LCA5L: variants seen among roughly 807,000 people sequenced by gnomAD.
The protein encoded by LCA5L is lebercilin LCA5 like.
A neutral mutation model predicts 45.4 loss-of-function variants in LCA5L; 35 were observed. The observed-to-expected ratio is 0.77, with a 90% confidence interval of 0.59 to 1.02. The LOEUF (loss-of-function observed/expected upper bound fraction) is 1.02, where lower values mean the gene tolerates loss of function less well. Among genes scored for constraint, LCA5L ranks in the 50% least tolerant of loss-of-function variants. The pLI is 0.00. For missense variants in LCA5L, 668 were observed against 761.6 expected, an observed-to-expected ratio of 0.88 and a Z score of 1.45; for synonymous variants, 233 against 264.7, an observed-to-expected ratio of 0.88 and a Z score of 1.16.
chr21:39,417,456 T>C (rs1319520603), intron 7 of LCA5L, among the ~76,000 whole-genome samples: 2 of 152,230 alleles, frequency 1.3e-5, no homozygotes, highest in Admixed American at 1.3e-4. Context: ...CTCTATTCTC[T>C]CTTTTTCTGC....
At chr21:39,419,802 G>A (rs1344979374) in intron 7 of LCA5L, among the ~76,000 whole-genome samples, 3 of 152,118 alleles carry the variant, frequency 2.0e-5, no homozygotes, top group Admixed American at 6.6e-5. Flanking sequence ...GCTTGAAACA[G>A]CGTATTTCTT....
chr21:39,429,950 G>A (rs1423274008), intron 3 of LCA5L, among the ~76,000 whole-genome samples: 1 of 152,218 alleles, frequency 6.6e-6, no homozygotes, highest in Non-Finnish European at 1.5e-5. Context: ...AGGAGGCAGA[G>A]GTTGCAGTGA....
chr21:39,429,245 T>G (rs2075379417), intron 3 of LCA5L, 34 bp from the exon 4 acceptor site: 2 of 152,220 alleles, frequency 1.3e-5, no homozygotes, highest in African/African-American at 4.8e-5. Flanking sequence ...AGAATTTAAC[T>G]GGCATTAGAT....
intron 3 of LCA5L, among the ~76,000 whole-genome samples, chr21:39,434,151 G>A (rs575673491): frequency 2.0e-5 from 3 of 152,230 alleles, no homozygotes; most frequent in East Asian, 3.9e-4. Context: ...CACTGTGTGA[G>A]TTCTATTCTT....
intron 2 of LCA5L, among the ~76,000 whole-genome samples, chr21:39,443,291 C>CT (rs764207706): frequency 2.0e-5 from 3 of 152,262 alleles, no homozygotes; most frequent in South Asian, 2.1e-4. Context: ...AAAGAAGATT[C>CT]TTTTTTTCTC....
At chr21:39,441,853 T>C (rs1030247679) in intron 2 of LCA5L, among the ~76,000 whole-genome samples, 3 of 152,240 alleles carry the variant, frequency 2.0e-5, no homozygotes, top group Admixed American at 1.3e-4. Context: ...AATAGAATTG[T>C]ATTAAAACAC....
chr21:39,435,687 A>G (rs957874005), intron 2 of LCA5L, 114 bp from the exon 3 acceptor site: 9 of 152,168 alleles, frequency 5.9e-5, no homozygotes, highest in African/African-American at 1.9e-4. Flanking sequence ...CCCTTGTATT[A>G]TGGATTGGTG....
At chr21:39,423,587 A>C (rs1030054224) in intron 5 of LCA5L, 97 bp from the exon 6 acceptor site, 2 of 991,394 alleles carry the variant, frequency 2.0e-6, no homozygotes, top group Non-Finnish European at 2.9e-6. Context: ...CCATGCACAC[A>C]CACCACACAC....
At position 39,411,774 on chromosome 21, in the gene LCA5L, T is replaced by G. The variant is rs1381731014; in HGVS notation, c.1004A>C (p.Asn335Thr). The G allele has an allele frequency of 1.9e-6, 3 of 1,586,606 alleles. No individual in the cohort carries two copies. The highest frequency in any genetic ancestry group is 2.6e-6 in the Non-Finnish European group (3 of 1,161,864). ...KEKDRELEIKNIYSHRILKNL... is the reference protein window; with the variant it reads ...KEKDRELEIKTIYSHRILKNL... Reference sequence around the variant, plus strand: ...TTTAAGTATTCGATGACTATAGATGTTTTTAATTTCAAGCTCACGATCCTT... The same window carrying G: ...TTTAAGTATTCGATGACTATAGATGGTTTTAATTTCAAGCTCACGATCCTT... The change falls in exon 8 of 11, where the codon AAC (asparagine) becomes ACC (threonine). Residue 335 changes from asparagine to threonine, a missense_variant. Asn to Thr is a moderately conservative substitution (Grantham distance 65). Coordinates refer to ENST00000288350, the MANE Select transcript of LCA5L (RefSeq NM_152505.4).
intron 2 of LCA5L, among the ~76,000 whole-genome samples, chr21:39,442,374 A>G (rs1333798876): frequency 6.6e-6 from 1 of 152,176 alleles, no homozygotes; most frequent in East Asian, 1.9e-4. Flanking sequence ...GATGTGGATC[A>G]TTAATCCAAG....
intron 2 of LCA5L, among the ~76,000 whole-genome samples, chr21:39,441,760 C>T (rs1434954898): frequency 6.6e-6 from 1 of 152,102 alleles, no homozygotes; most frequent in African/African-American, 2.4e-5. Flanking sequence ...ACACAAGTAC[C>T]CGTTTTTAGC....
At chr21:39,438,109 C>T (rs1177544631) in intron 2 of LCA5L, among the ~76,000 whole-genome samples, 1 of 152,070 alleles carries the variant, frequency 6.6e-6, no homozygotes, top group Admixed American at 6.6e-5. Context: ...TGATCAGATA[C>T]TGAGATAGAA....
intron 2 of LCA5L, among the ~76,000 whole-genome samples, chr21:39,437,339 T>G (rs2076381649): frequency 6.6e-6 from 1 of 152,226 alleles, no homozygotes; most frequent in East Asian, 1.9e-4. Flanking sequence ...CTGGAGGTAC[T>G]AGGTCTAAAT....
intron 10 of LCA5L, chr21:39,408,483 G>A (rs1310706005): frequency 6.6e-6 from 1 of 152,298 alleles, no homozygotes; most frequent in Non-Finnish European, 1.5e-5. Context: ...CACCAGAGAT[G>A]AGGAGACAGA....
chr21:39,430,441 G>T (rs1360731944), intron 3 of LCA5L, among the ~76,000 whole-genome samples: 1 of 152,196 alleles, frequency 6.6e-6, no homozygotes, highest in Non-Finnish European at 1.5e-5. Context: ...ACAGTAGTGG[G>T]AGGGAGTGGG....
rs2039867256 is a variant in LCA5L, at chr21:39,410,290, AT to A, written c.1137del (p.Lys379AsnfsTer7). Reference sequence around the variant, plus strand: ...TTAGTTGTCAAAGGTGGAACATCTGATTTTTGGGTTCCCTGGTGTCTCATAC... The same window carrying A: ...TTAGTTGTCAAAGGTGGAACATCTGATTTTGGGTTCCCTGGTGTCTCATAC... ...FTSMRHQGTQ[K>X]SDVPPLTTKG... On this transcript the variant is annotated frameshift_variant, in exon 9 of 11. Transcript: ENST00000288350. LOFTEE classifies it high-confidence loss of function. 3 of 1,609,112 alleles carry A rather than the reference AT, an allele frequency of 1.9e-6. No homozygotes were observed. Among genetic ancestry groups the A allele is most frequent in the Admixed American group, 1.7e-5 (1 of 59,126 alleles).
chr21:39,407,078 T>C (rs1488753705), intron 10 of LCA5L, among the ~76,000 whole-genome samples: 1 of 152,034 alleles, frequency 6.6e-6, no homozygotes. Context: ...AATACAAAAA[T>C]TAGCTGGGTG....
rs555475291 is a variant in LCA5L at position 39,419,804 on chromosome 21, G to A, written c.975+902C>T. Reference sequence around the variant, plus strand: ...TTTATTAGTTGAGGCTTGAAACAGCGTATTTCTTAAGCATCTTATCTAAAT... The same window carrying A: ...TTTATTAGTTGAGGCTTGAAACAGCATATTTCTTAAGCATCTTATCTAAAT... On this transcript the variant is annotated intron_variant, in intron 7 of 10. Coordinates refer to ENST00000288350, the MANE Select transcript of LCA5L (RefSeq NM_152505.4). 6.6e-5 allele frequency among the ~76,000 whole-genome samples: 10 copies of A among 152,198 alleles called. No individual in the cohort carries two copies. In the South Asian group the frequency reaches 1.2e-3, roughly 19 times the overall value.
Position 39,423,314 on chromosome 21 carries a change from C to A in LCA5L, c.499G>T (p.Ala167Ser), listed in dbSNP as rs748496581. The change falls in exon 6 of 11, where the codon GCC (alanine) becomes TCC (serine). Residue 167 changes from alanine to serine, a missense_variant. Transcript: ENST00000288350. The part of the protein sequence containing the change: ...ELADMHHKLE[A>S]ILTENQFLKQ... ...AAAAATTGGTTTTCTGTAAGGATGG[C>A]TTCCAATTTATGATGCATATCAGCT... is the stretch of plus-strand genomic sequence containing the variant. 1.9e-6 allele frequency: 3 copies of A among 1,611,370 alleles called. No homozygotes were observed.
Sources: allele counts gnomAD v4.1 joint callset (sites outside exome capture counted in the v4.1 genomes callset), GRCh38; gene constraint gnomAD v4.1.1; transcripts MANE v1.5; gene names NCBI Gene and HGNC (gene_info 2026-07-23, HGNC 2026-07-21).